The following EVI5 variants were observed in gnomAD, a reference collection of about 807,000 sequenced individuals.
The protein encoded by EVI5 is ecotropic viral integration site 5, also known as ecotropic viral integration site 5 protein homolog.
Under a neutral mutation model 112.0 loss-of-function variants are expected in EVI5, and 73 were observed. The ratio of observed to expected loss-of-function variants is 0.65; its 90% confidence interval spans 0.54 to 0.79. The LOEUF (loss-of-function observed/expected upper bound fraction) is 0.79, where lower values mean the gene tolerates loss of function less well. Ranked by LOEUF, EVI5 falls within the 30% of genes least tolerant of loss-of-function variation. The pLI is 0.00. For synonymous variants in EVI5, 305 were observed against 319.9 expected, an observed-to-expected ratio of 0.95 and a Z score of 0.50; for missense variants, 900 against 968.8, an observed-to-expected ratio of 0.93 and a Z score of 0.94.
chr1:92,641,285 C>T (rs1249886774), intron 13 of EVI5, among the ~76,000 whole-genome samples: 1 of 152,098 alleles, frequency 6.6e-6, no homozygotes, highest in African/African-American at 2.4e-5. Context: ...GACTGACTTA[C>T]CATTATAAAT....
chr1:92,719,433 C>A (rs1356694945), intron 2 of EVI5, among the ~76,000 whole-genome samples: 1 of 151,484 alleles, frequency 6.6e-6, no homozygotes, highest in African/African-American at 2.4e-5. Context: ...TAAACAGAAC[C>A]AACGACAAAA....
intron 19 of EVI5, among the ~76,000 whole-genome samples, chr1:92,548,532 A>G (rs1474334678): frequency 6.6e-6 from 1 of 151,940 alleles, no homozygotes; most frequent in Non-Finnish European, 1.5e-5. Context: ...AGGGTATTCA[A>G]TTAGGAAAAG....
At chr1:92,696,769 T>C (rs1459754660) in intron 6 of EVI5, among the ~76,000 whole-genome samples, 2 of 152,170 alleles carry the variant, frequency 1.3e-5, no homozygotes, top group Non-Finnish European at 2.9e-5. Flanking sequence ...GGCACAGCGG[T>C]GGCTCACGCC....
intron 16 of EVI5, among the ~76,000 whole-genome samples, chr1:92,613,692 G>A (rs903829553): frequency 5.9e-5 from 9 of 152,092 alleles, no homozygotes; most frequent in Non-Finnish European, 8.8e-5. Flanking sequence ...GGGCTCAAGC[G>A]ATCCTCCCAC....
At chr1:92,711,662 A>AT (rs1365612007) in intron 2 of EVI5, among the ~76,000 whole-genome samples, 4 of 152,214 alleles carry the variant, frequency 2.6e-5, no homozygotes, top group Non-Finnish European at 5.9e-5. Context: ...TTCAAAAAAA[A>AT]GGCAGAGAGA....
intron 1 of EVI5, among the ~76,000 whole-genome samples, chr1:92,777,284 C>T (rs1005781377): frequency 1.3e-5 from 2 of 152,158 alleles, no homozygotes; most frequent in African/African-American, 4.8e-5. Flanking sequence ...TACAAATATG[C>T]AAGAACTATT....
intron 1 of EVI5, among the ~76,000 whole-genome samples, chr1:92,769,957 A>G (rs186335169): frequency 6.6e-6 from 1 of 152,236 alleles, no homozygotes; most frequent in Non-Finnish European, 1.5e-5. Context: ...ATATAATCAC[A>G]TAAGTCTTTA....
intron 2 of EVI5, among the ~76,000 whole-genome samples, chr1:92,717,052 T>C (rs371520549): frequency 2.1e-4 from 32 of 151,934 alleles, no homozygotes; most frequent in East Asian, 1.2e-3. Context: ...ATTAGACGAA[T>C]GGCTAACTAG....
intron 19 of EVI5, among the ~76,000 whole-genome samples, chr1:92,525,122 C>T (rs958627198): frequency 2.0e-5 from 3 of 152,076 alleles, no homozygotes; most frequent in African/African-American, 7.2e-5. Flanking sequence ...ATCACTGGCG[C>T]CCAGCCAGAT....
chr1:92,790,041 G>T (rs1048149636), upstream of EVI5, among the ~76,000 whole-genome samples: 1 of 152,160 alleles, frequency 6.6e-6, no homozygotes, highest in Non-Finnish European at 1.5e-5. Context: ...GCCAGGCATG[G>T]TGGCTCATGC....
chr1:92,598,477 A>C (rs1004006566), intron 18 of EVI5, among the ~76,000 whole-genome samples: 1 of 152,210 alleles, frequency 6.6e-6, no homozygotes, highest in African/African-American at 2.4e-5. Context: ...AGTAACTAGA[A>C]TAGGAATGTT....
intron 4 of EVI5, 115 bp from the exon 5 acceptor site, chr1:92,702,330 TCTTG>T: frequency 1.7e-6 from 1 of 588,058 alleles, no homozygotes; most frequent in Non-Finnish European, 3.0e-6. Context: ...TGAGAAAAGC[TCTTG>T]CTTGCTTGTT....
chr1:92,665,863 T>C, intron 11 of EVI5, 76 bp downstream of exon 11: 1 of 1,039,892 alleles, frequency 9.6e-7, no homozygotes, highest in Non-Finnish European at 1.4e-6. Flanking sequence ...GCCAGAATTT[T>C]TGAGGATTTT....
At chr1:92,565,128 C>G (rs1669232637) in intron 18 of EVI5, among the ~76,000 whole-genome samples, 2 of 152,160 alleles carry the variant, frequency 1.3e-5, no homozygotes, top group Non-Finnish European at 2.9e-5. Context: ...CTCCTGATAC[C>G]AAAAGAGTAT....
chr1:92,715,629 C>T (rs1333976933), intron 2 of EVI5, among the ~76,000 whole-genome samples: 3 of 152,130 alleles, frequency 2.0e-5, no homozygotes, highest in African/African-American at 7.2e-5. Context: ...GTGCAGCCCA[C>T]AGAGGGCGAG....
intron 19 of EVI5, among the ~76,000 whole-genome samples, chr1:92,533,690 T>C (rs189901964): frequency 2.6e-5 from 4 of 152,144 alleles, no homozygotes; most frequent in Non-Finnish European, 5.9e-5. Context: ...ACCACGTTTA[T>C]CTCAATAGAT....
chr1:92,728,795 C>A (rs2391196), intron 2 of EVI5, among the ~76,000 whole-genome samples: 137,035 of 152,228 alleles, frequency 0.9, 61,800 homozygotes, highest in East Asian at 0.97. Context: ...TTCTGAGCAG[C>A]ACGATGAAAT....
At chr1:92,639,995 C>T (rs546487248) in intron 13 of EVI5, among the ~76,000 whole-genome samples, 3 of 151,964 alleles carry the variant, frequency 2.0e-5, no homozygotes, top group South Asian at 2.1e-4. Context: ...TCAACAAACC[C>T]GACAAAAGCA....
At chr1:92,754,077 T>C (rs1022885546) in intron 1 of EVI5, among the ~76,000 whole-genome samples, 6 of 152,180 alleles carry the variant, frequency 3.9e-5, no homozygotes, top group Admixed American at 2.6e-4. Context: ...CATACTCCCA[T>C]AGCCAGGGTA....
Sources: allele counts gnomAD v4.1 joint callset (sites outside exome capture counted in the v4.1 genomes callset), GRCh38; gene constraint gnomAD v4.1.1; transcripts MANE v1.5; gene names NCBI Gene and HGNC (gene_info 2026-07-23, HGNC 2026-07-21).